CCNC: variants seen among roughly 807,000 people sequenced by gnomAD.
The protein encoded by CCNC is cyclin C.
Under a neutral mutation model 50.0 loss-of-function variants are expected in CCNC, and 19 were observed. The observed-to-expected ratio is 0.38, with a 90% CI of 0.27 to 0.56. The LOEUF is 0.56. Ranked by LOEUF, CCNC falls within the 20% of genes least tolerant of loss-of-function variation. The pLI is 0.72. For missense variants in CCNC, 200 were observed against 327.1 expected (o/e 0.61, Z 3.00); for synonymous variants, 93 against 103.7 (o/e 0.90, Z 0.63).
chr6:99,556,427 G>A (rs1297546685), intron 5 of CCNC, among the ~76,000 whole-genome samples: 1 of 152,100 alleles, frequency 6.6e-6, no homozygotes, highest in East Asian at 1.9e-4. Context: ...TTCAAAATTT[G>A]TCTAATTCTA....
chr6:99,568,282 C>T, intron 1 of CCNC: 1 of 588,256 alleles, frequency 1.7e-6, no homozygotes. Context: ...CCCACCCCTC[C>T]CCCTCACAGA....
rs761206380 is a variant in CCNC, at chr6:99,562,822, C to A, written c.139+20G>T. ...AGGTAACCAACTATACAATTTGAAC[C>A]AATTTTTAAAAAAGTTTACCATTTG... On this transcript the variant is annotated intron_variant, in intron 2 of 11. Transcript: ENST00000520429. The A allele has an allele frequency of 2.1e-5, 29 of 1,404,208 alleles. No homozygotes were observed. The highest frequency in any genetic ancestry group is 2.8e-5 in the Non-Finnish European group (28 of 1,006,852). The allele number at this position is 1,404,208 out of a possible 1,614,324, so 87.0% of individuals were successfully genotyped here.
Position 99,543,504 on chromosome 6 carries a change from T to C in CCNC, c.*51A>G, listed in dbSNP as rs1218687103. On this transcript the variant is annotated 3_prime_UTR_variant, in exon 12 of 12. Coordinates refer to ENST00000520429, the MANE Select transcript of CCNC (RefSeq NM_005190.4). ...TTCCACTGAAGACATTACTGAAATC[T>C]GTCCAATGGTTTATTTCCAAGTGGT... 1.9e-6 allele frequency: 3 copies of C among 1,594,706 alleles called. No homozygotes were observed. The highest frequency in any genetic ancestry group is 3.4e-5 in the Admixed American group (2 of 59,690).
intron 1 of CCNC, among the ~76,000 whole-genome samples, chr6:99,566,320 T>C (rs1769121226): frequency 1.3e-5 from 2 of 152,032 alleles, no homozygotes; most frequent in Non-Finnish European, 2.9e-5. Context: ...TATTATTAAA[T>C]AGAATATTTC....
intron 5 of CCNC, among the ~76,000 whole-genome samples, chr6:99,557,078 T>C (rs977617283): frequency 6.6e-6 from 1 of 152,204 alleles, no homozygotes; most frequent in African/African-American, 2.4e-5. Flanking sequence ...CCTATTTGAC[T>C]AAACTATTCA....
chr6:99,559,897 T>C (rs1802704172), intron 4 of CCNC, among the ~76,000 whole-genome samples: 1 of 151,996 alleles, frequency 6.6e-6, no homozygotes, highest in Non-Finnish European at 1.5e-5. Flanking sequence ...TTTTTGTATT[T>C]TTAGTAGAGA....
At position 99,561,389 on chromosome 6, in the gene CCNC, A is replaced by G; in HGVS notation, c.272T>C (p.Val91Ala). 6.2e-7 allele frequency: 1 copy of G among 1,603,716 alleles called. No individual in the cohort carries two copies. The highest frequency in any genetic ancestry group is 1.3e-5 in the African/African-American group (1 of 74,438). The change falls in exon 4 of 12, where the codon GTG (valine) becomes GCG (alanine). Residue 91 changes from valine (V) to alanine (A), a missense_variant. Physicochemically the swap from Val to Ala is moderately conservative, Grantham distance 64. Transcript: ENST00000520429. Reference sequence around the variant, plus strand: ...TACCTCTACTTTGGATGCCAAAAACACACATGTAGGAGCCATTAATACAGG... The same window carrying G: ...TACCTCTACTTTGGATGCCAAAAACGCACATGTAGGAGCCATTAATACAGG... Reference protein sequence around the residue: ...IDPVLMAPTCVFLASKVEEFG... With the variant: ...IDPVLMAPTCAFLASKVEEFG...
Position 99,550,983 on chromosome 6 carries a change from A to G in CCNC, c.438+10T>C. The stretch of plus-strand genomic sequence containing the variant: ...TGTTTTAATCTATTAATCACAGAAG[A>G]TTTACTTACCATTAGTTCTAACAGA... On this transcript the variant is annotated intron_variant, in intron 7 of 11. Transcript: ENST00000520429. 9.8e-7 allele frequency: 1 copy of G among 1,025,496 alleles called. No individual in the cohort carries two copies. Among genetic ancestry groups the G allele is most frequent in the Non-Finnish European group, 1.4e-6 (1 of 720,246 alleles). 63.5% of individuals were successfully genotyped at this position (1,025,496 alleles called of 1,614,324 possible). A position where few individuals can be genotyped will look rare whatever the true frequency, so the allele number is the denominator to read the frequency against.
intron 10 of CCNC, among the ~76,000 whole-genome samples, chr6:99,545,621 C>G (rs1034036098): frequency 6.6e-6 from 1 of 152,174 alleles, no homozygotes; most frequent in Non-Finnish European, 1.5e-5. Context: ...TTCTCTGTTA[C>G]TACACATACA....
chr6:99,562,746 G>GT, intron 2 of CCNC, 96 bp downstream of exon 2: 1 of 630,486 alleles, frequency 1.6e-6, no homozygotes, highest in Admixed American at 3.3e-5. Flanking sequence ...AAAATGTTAG[G>GT]TATGCACTAA....
At chr6:99,561,057 A>G (rs1406084656) in intron 4 of CCNC, among the ~76,000 whole-genome samples, 2 of 152,194 alleles carry the variant, frequency 1.3e-5, no homozygotes, top group African/African-American at 4.8e-5. Flanking sequence ...GGGCTCTCAC[A>G]CTTACTAGCT....
intron 5 of CCNC, among the ~76,000 whole-genome samples, chr6:99,554,280 T>TC (rs1802426562): frequency 6.6e-6 from 1 of 152,170 alleles, no homozygotes; most frequent in Non-Finnish European, 1.5e-5. Context: ...TCACTGTTGC[T>TC]ACTGACCTTG....
At chr6:99,551,808 G>T in intron 6 of CCNC, 32 bp downstream of exon 6, 1 of 1,283,738 alleles carries the variant, frequency 7.8e-7, no homozygotes, top group East Asian at 2.8e-5. Context: ...ATATAGCTTT[G>T]ATAATTGTTC....
intron 1 of CCNC, among the ~76,000 whole-genome samples, chr6:99,567,622 C>T (rs1345684427): frequency 2.0e-5 from 3 of 152,160 alleles, no homozygotes; most frequent in Non-Finnish European, 4.4e-5. Context: ...ATTTAAATTA[C>T]TTACTAATGC....
intron 10 of CCNC, among the ~76,000 whole-genome samples, chr6:99,545,581 A>G (rs774558127): frequency 2.6e-5 from 4 of 152,212 alleles, no homozygotes; most frequent in African/African-American, 4.8e-5. Context: ...AAACAACTTA[A>G]TCGGGGGTAG....
intron 9 of CCNC, among the ~76,000 whole-genome samples, chr6:99,547,468 T>C (rs78325533): frequency 0.065 from 9,870 of 151,102 alleles, 476 homozygotes; most frequent in Non-Finnish European, 0.092. Flanking sequence ...GAAGAGCTGA[T>C]ATCTAAGCCA....
At chr6:99,544,051 A>G (rs1297361203) in intron 11 of CCNC, 1 of 1,272,320 alleles carries the variant, frequency 7.9e-7, no homozygotes, top group Non-Finnish European at 1.0e-6. Flanking sequence ...GTCCAAAGGC[A>G]TAATAAAATC....
chr6:99,550,876 C>T lies in CCNC; in HGVS notation c.438+117G>A, dbSNP rs555651951. The T allele has an allele frequency of 2.2e-4, 99 of 445,308 alleles. No individual in the cohort carries two copies. In the East Asian group the frequency reaches 3.6e-3, roughly 16 times the overall value. 27.6% of individuals were successfully genotyped at this position (445,308 alleles called of 1,614,324 possible). ...AAATAGGCTACCATGATTTCACCAT[C>T]ACATATTAGGTGGATGGTTTTAAAA... On this transcript the variant is annotated intron_variant, in intron 7 of 11. Coordinates refer to ENST00000520429, the MANE Select transcript of CCNC (RefSeq NM_005190.4).
At chr6:99,567,075 G>A (rs1769159839) in intron 1 of CCNC, 1 of 325,982 alleles carries the variant, frequency 3.1e-6, no homozygotes, top group South Asian at 2.5e-5. Context: ...TTTCAAAGAA[G>A]TACACTTAAC....
Sources: allele counts gnomAD v4.1 joint callset (sites outside exome capture counted in the v4.1 genomes callset), GRCh38; gene constraint gnomAD v4.1.1; transcripts MANE v1.5; gene names NCBI Gene and HGNC (gene_info 2026-07-23, HGNC 2026-07-21).